PDZD2: variants seen among roughly 807,000 people sequenced by gnomAD.
PDZD2 encodes the protein PDZ domain-containing protein 2.
PDZD2 carries 90 observed loss-of-function variants against 220.7 expected under a neutral mutation model. The observed-to-expected ratio is 0.41, with a 90% CI of 0.34 to 0.49. The LOEUF is 0.49. Ranked by LOEUF, PDZD2 falls within the 20% of genes least tolerant of loss-of-function variation. The probability of loss-of-function intolerance (pLI) is 0.28; values close to 1 mark genes in which losing one functional copy is unlikely to be tolerated. For missense variants in PDZD2, 3,174 were observed against 3,608.5 expected, an observed-to-expected ratio of 0.88 and a Z score of 3.08; for synonymous variants, 1,375 against 1,450.5, an observed-to-expected ratio of 0.95 and a Z score of 1.18.
intron 2 of PDZD2, chr5:31,844,026 G>A (rs1167628053): frequency 6.6e-6 from 1 of 152,184 alleles, no homozygotes; most frequent in Non-Finnish European, 1.5e-5. Flanking sequence ...ATTTCCTAGA[G>A]TTGGAGAACA....
intron 2 of PDZD2, among the ~76,000 whole-genome samples, chr5:31,955,683 C>CTTTTTTTTTTTTTT (rs34964306): frequency 2.6e-5 from 3 of 116,874 alleles, no homozygotes; most frequent in Non-Finnish European, 3.5e-5. Flanking sequence ...GGGCTCTGTT[C>CTTTTTTTTTTTTTT]TTTTTTTTTT....
chr5:31,695,670 C>T (rs372344), intron 1 of PDZD2, among the ~76,000 whole-genome samples: 75,471 of 152,014 alleles, frequency 0.5, 19,636 homozygotes, highest in African/African-American at 0.65. Flanking sequence ...TAGGGGCTGG[C>T]TTATTTACAG....
chr5:31,799,433 GC>G lies in PDZD2; in HGVS notation c.192del (p.Glu65LysfsTer21). The G allele has an allele frequency of 3.7e-6, 6 of 1,614,070 alleles. No individual in the cohort carries two copies. The highest frequency in any genetic ancestry group is 5.1e-6 in the Non-Finnish European group (6 of 1,179,972). On this transcript the variant is annotated frameshift_variant, in exon 2 of 25. Transcript: ENST00000438447. LOFTEE classifies it high-confidence loss of function. The part of the protein sequence containing the change: ...VDESTVPPDH[S>X]PPEMEICTVY... The stretch of plus-strand genomic sequence containing the variant: ...GAGAGTACGGTCCCACCTGATCACA[GC>G]CCCCCCGAAATGGAGATCTGTACTG...
Position 32,098,587 on chromosome 5 carries a change from G to A in PDZD2, c.8171G>A (p.Gly2724Glu). 6.2e-7 allele frequency: 1 copy of A among 1,614,190 alleles called. No homozygotes were observed. Residue 2724 changes from glycine to glutamate, a missense_variant, in exon 23 of 25, where the codon GGG becomes GAG. This residue lies in a region of PDZD2 where 631 missense variants were observed against 789.9 expected (regional missense o/e 0.80). Transcript: ENST00000438447. This position sits in a 1 kb window ranked among gnomAD's most constrained non-coding sequence, Gnocchi z 4.1. The stretch of plus-strand genomic sequence containing the variant: ...CGGCAGGAGCCTCCCACAGCCAATG[G>A]GAAGGGTTTGCTGTCCAGAAAGACC... ...SARQEPPTANGKGLLSRKTIP... is the reference protein window; with the variant it reads ...SARQEPPTANEKGLLSRKTIP...
chr5:31,878,555 C>CTTTTTTTTTTTTTTGTTTTTTTTTTT (rs1739535236), intron 2 of PDZD2, among the ~76,000 whole-genome samples: 1 of 48,198 alleles, frequency 2.1e-5, no homozygotes, highest in African/African-American at 7.0e-5. Context: ...ATGACCTCGG[C>CTTTTTTTTTTTTTTGTTTTTTTTTTT]TTTTTTTTTT....
At chr5:31,728,501 G>A (rs1355706076) in intron 1 of PDZD2, among the ~76,000 whole-genome samples, 1 of 152,168 alleles carries the variant, frequency 6.6e-6, no homozygotes, top group African/African-American at 2.4e-5. Context: ...GATGTTGAAG[G>A]GCACTTGATT....
intron 2 of PDZD2, among the ~76,000 whole-genome samples, chr5:31,969,537 A>AAAAAAAAAAAAAAAAAAAAAAGAAG (rs1367516292): frequency 7.1e-6 from 1 of 141,470 alleles, no homozygotes. Context: ...AAAAAAAAAC[A>AAAAAAAAAAAAAAAAAAAAAAGAAG]ATGGATATGT....
At position 31,849,180 on chromosome 5, in the gene PDZD2, AGT is replaced by A. The variant is rs1439835304; in HGVS notation, c.476+49459_476+49460del. On this transcript the variant is annotated intron_variant, in intron 2 of 24. Coordinates refer to ENST00000438447, the MANE Select transcript of PDZD2 (RefSeq NM_178140.4). Reference sequence around the variant, plus strand: ...AATAAGCATGAATGCTTCTTTTTGCAGTGTTTCCTCCCTCTGAATAGCTAAAA... The same window carrying A: ...AATAAGCATGAATGCTTCTTTTTGCAGTTTCCTCCCTCTGAATAGCTAAAA... Among the ~76,000 whole-genome samples, 12 of 152,264 alleles carry A rather than the reference AGT, an allele frequency of 7.9e-5. No individual in the cohort carries two copies. In the East Asian group the frequency reaches 2.1e-3, roughly 27 times the overall value.
At chr5:31,659,064 T>C (rs905721524) in intron 1 of PDZD2, among the ~76,000 whole-genome samples, 1 of 152,212 alleles carries the variant, frequency 6.6e-6, no homozygotes, top group Admixed American at 6.5e-5. Context: ...ATACTGACTT[T>C]GGTTGGCACT....
At chr5:32,041,364 A>C (rs1271005880) in intron 7 of PDZD2, among the ~76,000 whole-genome samples, 1 of 152,160 alleles carries the variant, frequency 6.6e-6, no homozygotes, top group Non-Finnish European at 1.5e-5. Flanking sequence ...ACCATCGAGA[A>C]CGGGCCATGA....
chr5:31,683,219 AAAAAAAG>A (rs1746719901), intron 1 of PDZD2, among the ~76,000 whole-genome samples: 1 of 150,764 alleles, frequency 6.6e-6, no homozygotes, highest in South Asian at 2.1e-4. Flanking sequence ...AAAAAAAAAA[AAAAAAAG>A]AAAGAAAGAA....
At chr5:31,842,429 C>T (rs1400782207) in intron 2 of PDZD2, among the ~76,000 whole-genome samples, 1 of 152,204 alleles carries the variant, frequency 6.6e-6, no homozygotes, top group Non-Finnish European at 1.5e-5. Flanking sequence ...TCTTCTCACC[C>T]GGCCGCTCAT....
At chr5:32,059,707 A>G (rs887514456) in intron 13 of PDZD2, among the ~76,000 whole-genome samples, 4 of 152,188 alleles carry the variant, frequency 2.6e-5, no homozygotes, top group Non-Finnish European at 2.9e-5. Flanking sequence ...TTCATATGAA[A>G]TACTGGAACT....
At position 32,077,556 on chromosome 5, in the gene PDZD2, C is replaced by T; in HGVS notation, c.3632C>T (p.Thr1211Ile). The T allele has an allele frequency of 6.2e-7, 1 of 1,614,146 alleles. No homozygotes were observed. ...TCCCATCTGGATGCCAGCCACCTCA[C>T]AGAGAACCTGCCCAAAGCTGCATCA... Reference protein sequence around the residue: ...ALSHLDASHLTENLPKAASEL... With the variant: ...ALSHLDASHLIENLPKAASEL... Residue 1211 changes from threonine to isoleucine, a missense_variant, in exon 19 of 25, where the codon ACA (threonine) becomes ATA (isoleucine). Coordinates refer to ENST00000438447, the MANE Select transcript of PDZD2 (RefSeq NM_178140.4).
chr5:31,930,196 CTTTTTTTTTTTTTTTT>C (rs760145512), intron 2 of PDZD2, among the ~76,000 whole-genome samples: 1 of 102,508 alleles, frequency 9.8e-6, no homozygotes, highest in African/African-American at 4.0e-5. Flanking sequence ...CTCAGGTATT[CTTTTTTTTTTTTTTTT>C]TTTTTTTTTT....
At chr5:31,993,891 G>A (rs2111955817) in intron 3 of PDZD2, among the ~76,000 whole-genome samples, 1 of 152,318 alleles carries the variant, frequency 6.6e-6, no homozygotes, top group South Asian at 2.1e-4. Context: ...GTTTTGCAGT[G>A]AGCATATGTG....
At chr5:31,776,485 T>TATTTA (rs918958419) in intron 1 of PDZD2, among the ~76,000 whole-genome samples, 1 of 144,536 alleles carries the variant, frequency 6.9e-6, no homozygotes. Context: ...TTTATTTATT[T>TATTTA]ATTTATTCAT....
intron 2 of PDZD2, among the ~76,000 whole-genome samples, chr5:31,922,153 A>G (rs1409226372): frequency 6.6e-6 from 1 of 152,214 alleles, no homozygotes; most frequent in Non-Finnish European, 1.5e-5. Flanking sequence ...ATAGAAAGAA[A>G]TTTCCATATA....
intron 2 of PDZD2, among the ~76,000 whole-genome samples, chr5:31,833,648 AAAG>A (rs758421390): frequency 3.0e-5 from 3 of 100,630 alleles, no homozygotes; most frequent in Non-Finnish European, 4.4e-5. Context: ...AAAAAAAAAA[AAAG>A]AAAAGAAAAG....
Sources: allele counts gnomAD v4.1 joint callset (sites outside exome capture counted in the v4.1 genomes callset), GRCh38; gene constraint gnomAD v4.1.1; regional missense constraint gnomAD v4.1.1; non-coding constraint Gnocchi (gnomAD v3.1); transcripts MANE v1.5; gene names NCBI Gene and HGNC (gene_info 2026-07-23, HGNC 2026-07-21).